The following FAM163A variants were observed in gnomAD, a reference collection of about 807,000 sequenced individuals.
FAM163A encodes the protein family with sequence similarity 163 member A.
A neutral mutation model predicts 12.0 loss-of-function variants in FAM163A; 7 were observed. That is an observed-to-expected ratio of 0.58 (90% CI 0.33 to 1.10). FAM163A has a LOEUF of 1.10. Ranked by LOEUF, FAM163A falls within the 50% of genes least tolerant of loss-of-function variation. FAM163A has a pLI of 0.03. For missense variants in FAM163A, 202 were observed against 218.6 expected (o/e 0.92, Z 0.48); for synonymous variants, 101 against 91.0 (o/e 1.11, Z -0.62).
At chr1:179,809,379 A>G (rs1482719068) in intron 2 of FAM163A, among the ~76,000 whole-genome samples, 1 of 152,166 alleles carries the variant, frequency 6.6e-6, no homozygotes, top group East Asian at 1.9e-4. Flanking sequence ...ATTCCTCGCA[A>G]TCCTACTGGC....
intron 1 of FAM163A, among the ~76,000 whole-genome samples, chr1:179,786,823 T>A (rs1255634464): frequency 6.6e-6 from 1 of 152,118 alleles, no homozygotes. Context: ...GCCCAAGGCC[T>A]CTGTCCTCAT....
At chr1:179,733,129 A>G in the FAM163A span, among the ~76,000 whole-genome samples, 1 of 152,118 alleles carries the variant, frequency 6.6e-6, no homozygotes, top group Non-Finnish European at 1.5e-5. Flanking sequence ...CATGTATTGC[A>G]TTCTCACTAT....
chr1:179,788,918 TGCTGTGCCCAGG>T (rs1691033872), intron 1 of FAM163A, among the ~76,000 whole-genome samples: 2 of 152,280 alleles, frequency 1.3e-5, no homozygotes, highest in African/African-American at 2.4e-5. Context: ...TGCACTGTGG[TGCTGTGCCCAGG>T]GCTGAGCCCT....
At chr1:179,774,820 T>G (rs968010965) in intron 1 of FAM163A, among the ~76,000 whole-genome samples, 1 of 152,152 alleles carries the variant, frequency 6.6e-6, no homozygotes, top group African/African-American at 2.4e-5. Flanking sequence ...CATTTTTAGT[T>G]CTGGCTGAGT....
intron 1 of FAM163A, among the ~76,000 whole-genome samples, chr1:179,796,163 A>AC (rs1692287786): frequency 6.6e-6 from 1 of 150,794 alleles, no homozygotes; most frequent in African/African-American, 2.4e-5. Flanking sequence ...ACACACACAC[A>AC]AACTTAAGGT....
intron 1 of FAM163A, among the ~76,000 whole-genome samples, chr1:179,755,976 C>T (rs1255006928): frequency 6.6e-6 from 1 of 152,202 alleles, no homozygotes; most frequent in African/African-American, 2.4e-5. Context: ...GCACCCTTTA[C>T]CCCAGGTGCT....
chr1:179,744,752 G>A (rs1684212944), intron 1 of FAM163A, among the ~76,000 whole-genome samples: 1 of 152,188 alleles, frequency 6.6e-6, no homozygotes, highest in Admixed American at 6.5e-5. Context: ...CGCCCAGGGG[G>A]CCCCATCCTG....
chr1:179,812,074 T>A (rs1694775565), intron 2 of FAM163A, 36 bp from the exon 3 acceptor site: 1 of 152,656 alleles, frequency 6.6e-6, no homozygotes, highest in African/African-American at 2.4e-5. Flanking sequence ...GTAACTCTCT[T>A]CTTCCAACAT....
chr1:179,772,738 T>C (rs570848453), intron 1 of FAM163A, among the ~76,000 whole-genome samples: 1 of 152,162 alleles, frequency 6.6e-6, no homozygotes, highest in South Asian at 2.1e-4. Context: ...CCATGGACAG[T>C]GCAGGGCTGA....
At chr1:179,738,097 AAGGGAAGGGGAAT>A in the FAM163A span, among the ~76,000 whole-genome samples, 1 of 152,182 alleles carries the variant, frequency 6.6e-6, no homozygotes, top group African/African-American at 2.4e-5. Flanking sequence ...AGTGGAGAGG[AAGGGAAGGGGAAT>A]AGGGAGAGGG....
chr1:179,808,520 C>A (rs1694265314), intron 2 of FAM163A, among the ~76,000 whole-genome samples: 1 of 152,232 alleles, frequency 6.6e-6, no homozygotes, highest in Non-Finnish European at 1.5e-5. Context: ...GGGCCTCAGT[C>A]CCCAGCCAGG....
At chr1:179,812,758 G>A (rs1487396981) in intron 3 of FAM163A, among the ~76,000 whole-genome samples, 1 of 152,236 alleles carries the variant, frequency 6.6e-6, no homozygotes, top group Admixed American at 6.5e-5. Context: ...AGCGGCAGCT[G>A]TTCCTCTGTG....
intron 1 of FAM163A, among the ~76,000 whole-genome samples, chr1:179,794,584 A>C (rs968830574): frequency 1.8e-4 from 27 of 152,166 alleles, no homozygotes; most frequent in African/African-American, 6.5e-4. Context: ...TTATAACAAC[A>C]CTAATTTTAA....
In FAM163A at chr1:179,778,988, G is replaced by A. The variant is rs1203321718; in HGVS notation, c.-135-28810G>A. The stretch of plus-strand genomic sequence containing the variant: ...GCAGCAAGGCAGGGAATATTTAGAT[G>A]TCATCTCAGAGGCTGGAGGAGCCTT... On this transcript the variant is annotated intron_variant, in intron 1 of 4. Coordinates refer to ENST00000341785, the MANE Select transcript of FAM163A (RefSeq NM_173509.3). Among the ~76,000 whole-genome samples, 4 of 152,202 alleles carry A rather than the reference G, an allele frequency of 2.6e-5. No homozygotes were observed. In the East Asian group the frequency reaches 7.7e-4, roughly 29 times the overall value.
chr1:179,788,320 G>T lies in FAM163A; in HGVS notation c.-135-19478G>T, dbSNP rs963255345. On this transcript the variant is annotated intron_variant, in intron 1 of 4. Coordinates refer to ENST00000341785, the MANE Select transcript of FAM163A (RefSeq NM_173509.3). Reference sequence around the variant, plus strand: ...GGTAAATCCGAACGATATTTCTCTTGTTTGAAATAAAACTGTTACTCCCAG... The same window carrying T: ...GGTAAATCCGAACGATATTTCTCTTTTTTGAAATAAAACTGTTACTCCCAG... Among the ~76,000 whole-genome samples the T allele has an allele frequency of 3.9e-5, 6 of 152,150 alleles. No individual in the cohort carries two copies. The East Asian group carries it at 1.2e-3, about 29-fold the overall frequency.
At chr1:179,791,896 G>A (rs1420545306) in intron 1 of FAM163A, among the ~76,000 whole-genome samples, 4 of 152,098 alleles carry the variant, frequency 2.6e-5, no homozygotes, top group African/African-American at 2.4e-5. Context: ...TAGCTCATTC[G>A]TCTCTGCAGT....
the FAM163A span, among the ~76,000 whole-genome samples, chr1:179,735,725 C>T: frequency 2.6e-5 from 4 of 151,878 alleles, 1 homozygote; most frequent in Admixed American, 1.3e-4. Context: ...GGATGATCTC[C>T]ATCTCCTGAC....
chr1:179,778,321 G>A (rs1571434264), intron 1 of FAM163A, among the ~76,000 whole-genome samples: 2 of 152,250 alleles, frequency 1.3e-5, no homozygotes, highest in Admixed American at 1.3e-4. Flanking sequence ...TGCTGATCAG[G>A]TGAAAATGGG....
intron 1 of FAM163A, among the ~76,000 whole-genome samples, chr1:179,771,621 AAGCTCCTTCCTGCCCCATGAGCCTCAT>A (rs1688302348): frequency 6.6e-6 from 1 of 151,736 alleles, no homozygotes; most frequent in South Asian, 2.1e-4. Flanking sequence ...GTCTCTTCTA[AAGCTCCTTCCTGCCCCATGAGCCTCAT>A]AGCTCACATC....
Sources: allele counts gnomAD v4.1 joint callset (sites outside exome capture counted in the v4.1 genomes callset), GRCh38; gene constraint gnomAD v4.1.1; transcripts MANE v1.5; gene names NCBI Gene and HGNC (gene_info 2026-07-23, HGNC 2026-07-21).